PODXL2: variants seen among roughly 807,000 people sequenced by gnomAD.
PODXL2 encodes the protein podocalyxin-like protein 2.
In PODXL2, 17 loss-of-function variants were observed where a neutral mutation model predicts 53.4. That is an observed-to-expected ratio of 0.32 (90% CI 0.22 to 0.48). PODXL2 has a LOEUF of 0.48. Among genes scored for constraint, PODXL2 ranks in the 20% least tolerant of loss-of-function variants. The probability of loss-of-function intolerance (pLI) is 0.99; values close to 1 mark genes in which losing one functional copy is unlikely to be tolerated. For missense variants in PODXL2, 673 were observed against 760.0 expected, an observed-to-expected ratio of 0.89 and a Z score of 1.35; for synonymous variants, 311 against 306.7, an observed-to-expected ratio of 1.01 and a Z score of -0.15.
At chr3:127,632,629 TG>T (rs1189757593) in intron 1 of PODXL2, among the ~76,000 whole-genome samples, 1 of 152,246 alleles carries the variant, frequency 6.6e-6, no homozygotes, top group Non-Finnish European at 1.5e-5. Context: ...TTTCCAGATT[TG>T]TTTCTTGTAT....
chr3:127,655,222 GGC>G (rs1370580735), intron 2 of PODXL2, among the ~76,000 whole-genome samples: 1 of 152,036 alleles, frequency 6.6e-6, no homozygotes, highest in Non-Finnish European at 1.5e-5. Flanking sequence ...TGGGATTACA[GGC>G]ATGAGTCACC....
At position 127,668,612 on chromosome 3, in the gene PODXL2, G is replaced by C. The variant is rs779542730; in HGVS notation, c.1363+15G>C. On this transcript the variant is annotated intron_variant, in intron 5 of 7. Coordinates refer to ENST00000342480, the MANE Select transcript of PODXL2 (RefSeq NM_015720.4). ...GGGCGAGCAGGGTGAGCGAGGGCAGGTGATGGGAGGGCCCAGGAGGGCAGT... is the reference window on the plus strand; with the variant it reads ...GGGCGAGCAGGGTGAGCGAGGGCAGCTGATGGGAGGGCCCAGGAGGGCAGT... 2.0e-6 allele frequency: 3 copies of C among 1,505,650 alleles called. No homozygotes were observed. The East Asian group carries it at 7.3e-5, about 37-fold the overall frequency. 93.3% of individuals were successfully genotyped at this position (1,505,650 alleles called of 1,614,324 possible). A position where few individuals can be genotyped will look rare whatever the true frequency, so the allele number is the denominator to read the frequency against.
chr3:127,629,955 C>G lies in PODXL2; in HGVS notation c.70+666C>G, dbSNP rs948511509. Among the ~76,000 whole-genome samples the G allele has an allele frequency of 2.0e-5, 3 of 152,070 alleles. No homozygotes were observed. The highest frequency in any genetic ancestry group is 7.2e-5 in the African/African-American group (3 of 41,406). ...GCTCACACACGAGGGAGGTGTGAGA[C>G]TCAGATGTGTGGTTTCCATTCAGCA... On this transcript the variant is annotated intron_variant, in intron 1 of 7. Coordinates refer to ENST00000342480, the MANE Select transcript of PODXL2 (RefSeq NM_015720.4). The surrounding 1 kb of genome is among the most constrained non-coding windows in gnomAD (Gnocchi z 6.4).
chr3:127,655,559 T>G (rs2074719225), intron 2 of PODXL2, among the ~76,000 whole-genome samples: 1 of 152,164 alleles, frequency 6.6e-6, no homozygotes. Context: ...AGGTACTATT[T>G]TTATTTTACA....
At chr3:127,662,086 T>C in intron 3 of PODXL2, 151 bp from the exon 4 acceptor site, 1 of 638,766 alleles carries the variant, frequency 1.6e-6, no homozygotes, top group Non-Finnish European at 2.8e-6. Context: ...GCATGGTGCC[T>C]CACAGAGGCT....
At chr3:127,635,362 C>G (rs532242504) in intron 1 of PODXL2, among the ~76,000 whole-genome samples, 139 of 152,264 alleles carry the variant, frequency 9.1e-4, no homozygotes, top group Admixed American at 6.1e-3. Flanking sequence ...GGGGCAGGGA[C>G]CCTATCTTTC....
intron 2 of PODXL2, among the ~76,000 whole-genome samples, chr3:127,649,957 G>A (rs2074678439): frequency 6.6e-6 from 1 of 152,168 alleles, no homozygotes; most frequent in South Asian, 2.1e-4. Flanking sequence ...GTAGTTTTAA[G>A]TTATACTAAA....
Position 127,660,983 on chromosome 3 carries a change from G to C in PODXL2, c.955G>C (p.Glu319Gln). ...TCAAACCACAGCTCCCAGTGGGGCC[G>C]AGCACCCAGATGAAGATCCCCTTGG... ...FPQTTAPSGAEHPDEDPLGSR... is the reference protein window; with the variant it reads ...FPQTTAPSGAQHPDEDPLGSR... The change falls in exon 3 of 8, where the codon GAG becomes CAG. Residue 319 changes from glutamate to glutamine, a missense_variant. Around this residue, in one of 3 missense-constraint regions of PODXL2, gnomAD observed 588 missense variants for 668.3 expected, o/e 0.88. Coordinates refer to ENST00000342480, the MANE Select transcript of PODXL2 (RefSeq NM_015720.4). The C allele has an allele frequency of 6.2e-7, 1 of 1,614,214 alleles. No homozygotes were observed. Among genetic ancestry groups the C allele is most frequent in the Non-Finnish European group, 8.5e-7 (1 of 1,180,046 alleles).
At chr3:127,657,039 T>G (rs766730166) in intron 2 of PODXL2, among the ~76,000 whole-genome samples, 1 of 152,126 alleles carries the variant, frequency 6.6e-6, no homozygotes, top group Non-Finnish European at 1.5e-5. Flanking sequence ...AGACCCTGTC[T>G]CAAAAGCAGA....
intron 4 of PODXL2, among the ~76,000 whole-genome samples, chr3:127,667,644 T>A (rs930984578): frequency 6.6e-6 from 1 of 152,236 alleles, no homozygotes; most frequent in Non-Finnish European, 1.5e-5. Flanking sequence ...AGTTTCTGTT[T>A]AAGGCCAGGC....
rs1415383018 is a variant in PODXL2, at chr3:127,629,190, G to A, written c.-30G>A. 8.2e-6 allele frequency: 8 copies of A among 980,840 alleles called. No individual in the cohort carries two copies. Among genetic ancestry groups the A allele is most frequent in the Non-Finnish European group, 9.7e-6 (8 of 828,332 alleles). 60.8% of individuals were successfully genotyped at this position (980,840 alleles called of 1,614,324 possible). A position where few individuals can be genotyped will look rare whatever the true frequency, so the allele number is the denominator to read the frequency against. ...CTGACGCGGGCCCGGGCGCCGCGCCGCTGCGGCTGCAGGCGGCGACGGCTA... is the reference window on the plus strand; with the variant it reads ...CTGACGCGGGCCCGGGCGCCGCGCCACTGCGGCTGCAGGCGGCGACGGCTA... On this transcript the variant is annotated 5_prime_UTR_variant, in exon 1 of 8. Transcript: ENST00000342480. The surrounding 1 kb of genome is among the most constrained non-coding windows in gnomAD (Gnocchi z 6.4).
chr3:127,639,628 C>G (rs2074601838), intron 2 of PODXL2, 105 bp downstream of exon 2: 1 of 1,061,310 alleles, frequency 9.4e-7, no homozygotes, highest in African/African-American at 1.6e-5. Context: ...TCTCTCCCTA[C>G]AGTTTTTACC....
chr3:127,671,099 T>C (rs2074830959), intron 6 of PODXL2, among the ~76,000 whole-genome samples: 1 of 152,138 alleles, frequency 6.6e-6, no homozygotes, highest in Admixed American at 6.5e-5. Flanking sequence ...GGGCACTCTC[T>C]CTAGTTGGAT....
At chr3:127,644,703 G>T (rs900968950) in intron 2 of PODXL2, among the ~76,000 whole-genome samples, 1 of 152,116 alleles carries the variant, frequency 6.6e-6, no homozygotes, top group African/African-American at 2.4e-5. Flanking sequence ...ATTGAATACC[G>T]GCTATGCATA....
intron 4 of PODXL2, among the ~76,000 whole-genome samples, chr3:127,666,362 C>CTTT (rs58975531): frequency 7.0e-6 from 1 of 142,848 alleles, no homozygotes; most frequent in Non-Finnish European, 1.5e-5. Flanking sequence ...AGAGGTACTT[C>CTTT]TTTTTTTTTT....
chr3:127,639,635 T>C, intron 2 of PODXL2, 112 bp downstream of exon 2: 1 of 1,035,458 alleles, frequency 9.7e-7, no homozygotes, highest in Non-Finnish European at 1.4e-6. Context: ...CTACAGTTTT[T>C]ACCATGCTGC....
chr3:127,663,267 T>C (rs1442571869), intron 4 of PODXL2, among the ~76,000 whole-genome samples: 1 of 152,198 alleles, frequency 6.6e-6, no homozygotes, highest in African/African-American at 2.4e-5. Flanking sequence ...TTCCGGGGCA[T>C]CTGGGGAGTG....
In PODXL2 at chr3:127,641,447, G is replaced by A. The variant is rs143332611; in HGVS notation, c.349+1924G>A. On this transcript the variant is annotated intron_variant, in intron 2 of 7. Transcript: ENST00000342480. Reference sequence around the variant, plus strand: ...TGGTCTTGAACTCCTGGGCTCAAGCGATCCTCCTCCCTTGGCCTCCCAAAG... The same window carrying A: ...TGGTCTTGAACTCCTGGGCTCAAGCAATCCTCCTCCCTTGGCCTCCCAAAG... Among the ~76,000 whole-genome samples, 453 of 151,934 alleles carry A rather than the reference G, an allele frequency of 3.0e-3. 3 individuals carry two copies. The highest frequency in any genetic ancestry group is 1.0e-2 in the African/African-American group (413 of 41,424).
In PODXL2 at chr3:127,629,226, C is replaced by A. The variant is rs1352405376; in HGVS notation, c.7C>A (p.Arg3=). Residue 3 remains arginine (R), a synonymous_variant, in exon 1 of 8, where the codon CGG becomes AGG. Transcript: ENST00000342480. The surrounding 1 kb of genome is among the most constrained non-coding windows in gnomAD (Gnocchi z 6.4). ...AGGCGGCGACGGCTACACCATGGGC[C>A]GGCTGCTGCGGGCCGCCCGGCTGCC... MG[R]LLRAARLPPL... 2.0e-6 allele frequency: 2 copies of A among 995,578 alleles called. No homozygotes were observed. The highest frequency in any genetic ancestry group is 1.1e-4 in the East Asian group (1 of 9,400). 61.7% of individuals were successfully genotyped at this position (995,578 alleles called of 1,614,324 possible). A position where few individuals can be genotyped will look rare whatever the true frequency, so the allele number is the denominator to read the frequency against.
Sources: gnomAD v4.1 joint callset for allele counts (sites outside exome capture counted in the v4.1 genomes callset) on GRCh38, gnomAD v4.1.1 for gene constraint, gnomAD v4.1.1 regional missense constraint, Gnocchi (gnomAD v3.1) non-coding constraint, MANE v1.5 for transcripts, NCBI Gene and HGNC (gene_info 2026-07-23, HGNC 2026-07-21) for gene names.